PCSK5: variants seen among roughly 807,000 people sequenced by gnomAD.
The protein encoded by PCSK5 is proprotein convertase subtilisin/kexin type 5, also known as prohormone convertase 5.
Under a neutral mutation model 233.2 loss-of-function variants are expected in PCSK5, and 129 were observed. The ratio of observed to expected loss-of-function variants is 0.55; its 90% CI spans 0.48 to 0.64. The LOEUF (loss-of-function observed/expected upper bound fraction) is 0.64, where lower values mean the gene tolerates loss of function less well. Ranked by LOEUF, PCSK5 falls within the 30% of genes least tolerant of loss-of-function variation. The probability of loss-of-function intolerance (pLI) is 0.00; values close to 1 mark genes in which losing one functional copy is unlikely to be tolerated. For synonymous variants in PCSK5, 825 were observed against 879.2 expected (o/e 0.94, Z 1.09); for missense variants, 2,076 against 2,430.1 (o/e 0.85, Z 3.06).
At chr9:76,195,256 A>C (rs1824634617) in intron 20 of PCSK5, 1 of 152,170 alleles carries the variant, frequency 6.6e-6, no homozygotes, top group Non-Finnish European at 1.5e-5. Flanking sequence ...ATGCAAGCAC[A>C]AGCCTAAAGC....
At chr9:76,136,130 T>C (rs1228760307) in intron 10 of PCSK5, among the ~76,000 whole-genome samples, 1 of 152,080 alleles carries the variant, frequency 6.6e-6, no homozygotes, top group Non-Finnish European at 1.5e-5. Context: ...AGATGAATTA[T>C]TCTGAATGGG....
At chr9:76,105,819 T>A (rs1831955003) in intron 8 of PCSK5, among the ~76,000 whole-genome samples, 1 of 152,232 alleles carries the variant, frequency 6.6e-6, no homozygotes, top group Admixed American at 6.5e-5. Context: ...GTACAGATAA[T>A]CTGGTAATGT....
At chr9:76,093,582 T>TATACACAC (rs375899150) in intron 7 of PCSK5, among the ~76,000 whole-genome samples, 2 of 149,930 alleles carry the variant, frequency 1.3e-5, no homozygotes, top group African/African-American at 2.5e-5. Context: ...TATATATATA[T>TATACACAC]ACACACACAC....
At chr9:76,358,393 T>A (rs1458160450) in intron 37 of PCSK5, 120 bp from the exon 38 acceptor site, 3 of 724,944 alleles carry the variant, frequency 4.1e-6, no homozygotes. Flanking sequence ...AGACAGTGAT[T>A]CTACCATTTT....
chr9:76,248,181 C>T (rs116246024), intron 24 of PCSK5, among the ~76,000 whole-genome samples: 1,984 of 152,202 alleles, frequency 0.013, 41 homozygotes, highest in African/African-American at 0.045. Flanking sequence ...CCTCCCATTT[C>T]GGCCTCACAA....
intron 2 of PCSK5, among the ~76,000 whole-genome samples, chr9:75,951,076 C>A (rs1188043882): frequency 1.3e-5 from 2 of 152,156 alleles, no homozygotes; most frequent in African/African-American, 2.4e-5. Context: ...GAAGTCTTAA[C>A]CAGTAGTTAG....
chr9:76,121,739 G>A (rs1832636685), intron 9 of PCSK5, among the ~76,000 whole-genome samples: 1 of 151,944 alleles, frequency 6.6e-6, no homozygotes, highest in Non-Finnish European at 1.5e-5. Flanking sequence ...ATGTTTGAAG[G>A]AAACCATCTG....
intron 10 of PCSK5, among the ~76,000 whole-genome samples, chr9:76,153,032 C>T (rs1196250354): frequency 1.3e-5 from 2 of 152,106 alleles, no homozygotes; most frequent in Non-Finnish European, 2.9e-5. Flanking sequence ...ACTAGCTGTA[C>T]TTCTGGTGCA....
At chr9:76,179,535 G>T in intron 14 of PCSK5, 61 bp from the exon 15 acceptor site, 1 of 1,209,006 alleles carries the variant, frequency 8.3e-7, no homozygotes, top group Admixed American at 1.8e-5. Context: ...CCAAATTCAA[G>T]GTAAAGCTGA....
At chr9:75,899,537 C>T (rs1474609557) in intron 1 of PCSK5, among the ~76,000 whole-genome samples, 1 of 152,184 alleles carries the variant, frequency 6.6e-6, no homozygotes. Flanking sequence ...TCTCCCTCCT[C>T]CCTCTCCTCA....
chr9:76,245,988 G>T (rs115353754), intron 24 of PCSK5, among the ~76,000 whole-genome samples: 2,074 of 152,148 alleles, frequency 0.014, 47 homozygotes, highest in African/African-American at 0.048. Context: ...GAAACAAATG[G>T]CCTTCAAGCA....
At chr9:75,991,530 A>G (rs1406888406) in intron 3 of PCSK5, among the ~76,000 whole-genome samples, 2 of 152,036 alleles carry the variant, frequency 1.3e-5, no homozygotes, top group African/African-American at 4.8e-5. Context: ...TGCTGACACT[A>G]TTTTCTATTT....
intron 24 of PCSK5, among the ~76,000 whole-genome samples, chr9:76,253,503 T>A (rs560202483): frequency 7.9e-5 from 12 of 152,218 alleles, no homozygotes; most frequent in Non-Finnish European, 1.5e-4. Context: ...AACACAAAGT[T>A]GGAAGAACTT....
intron 2 of PCSK5, among the ~76,000 whole-genome samples, chr9:75,982,234 T>C (rs1440502906): frequency 6.6e-6 from 1 of 152,230 alleles, no homozygotes; most frequent in East Asian, 1.9e-4. Flanking sequence ...TTAATCTCTA[T>C]TGATATATAT....
Position 76,359,555 on chromosome 9 carries a change from T to C in PCSK5, c.*633T>C, listed in dbSNP as rs972861561. The C allele has an allele frequency of 1.3e-5, 2 of 152,534 alleles. No individual in the cohort carries two copies. Among genetic ancestry groups the C allele is most frequent in the Non-Finnish European group, 1.5e-5 (1 of 68,408 alleles). The allele number at this position is 152,534 out of a possible 1,614,324, so 9.4% of individuals were successfully genotyped here. A position where few individuals can be genotyped will look rare whatever the true frequency, so the allele number is the denominator to read the frequency against. ...AGGGAAGAAAAGAGAAGGTGCATCA[T>C]AGCTGAGGAGCCATGAGGTCACCCC... On this transcript the variant is annotated 3_prime_UTR_variant, in exon 38 of 38. Coordinates refer to ENST00000674117, the MANE Select transcript of PCSK5 (RefSeq NM_001372043.1).
At chr9:76,075,530 G>A (rs575732379) in intron 7 of PCSK5, among the ~76,000 whole-genome samples, 1 of 152,052 alleles carries the variant, frequency 6.6e-6, no homozygotes, top group East Asian at 1.9e-4. Context: ...CTTTCTTGGG[G>A]CATCAAGTGA....
intron 20 of PCSK5, among the ~76,000 whole-genome samples, chr9:76,199,257 G>T (rs1269253290): frequency 6.6e-6 from 1 of 152,164 alleles, no homozygotes; most frequent in Non-Finnish European, 1.5e-5. Flanking sequence ...AAGCTGTACA[G>T]CATGTTACCG....
At position 76,296,617 on chromosome 9, in the gene PCSK5, G is replaced by C. The variant is rs556452689; in HGVS notation, c.3323-48G>C. 3 of 1,319,222 alleles carry C rather than the reference G, an allele frequency of 2.3e-6. No individual in the cohort carries two copies. In the South Asian group the frequency reaches 3.6e-5, roughly 16 times the overall value. The allele number at this position is 1,319,222 out of a possible 1,614,324, so 81.7% of individuals were successfully genotyped here. A position where few individuals can be genotyped will look rare whatever the true frequency, so the allele number is the denominator to read the frequency against. On this transcript the variant is annotated intron_variant, in intron 26 of 37. Transcript: ENST00000674117. ...TCCAGCCTCTTTAGAACTTGGCCTT[G>C]CAAAGATCACTAAAGCCTTCATGCT...
At chr9:76,013,540 C>T (rs150823096) in intron 3 of PCSK5, among the ~76,000 whole-genome samples, 1 of 152,314 alleles carries the variant, frequency 6.6e-6, no homozygotes, top group African/African-American at 2.4e-5. Context: ...TTTGTGAGAA[C>T]TTGAAATGTG....
Sources: allele counts gnomAD v4.1 joint callset (sites outside exome capture counted in the v4.1 genomes callset), GRCh38; gene constraint gnomAD v4.1.1; transcripts MANE v1.5; gene names NCBI Gene and HGNC (gene_info 2026-07-23, HGNC 2026-07-21).